AGBL4: variants seen among roughly 807,000 people sequenced by gnomAD.
AGBL4 encodes cytosolic carboxypeptidase 6.
AGBL4 carries 58 observed loss-of-function variants against 66.4 expected under a neutral mutation model. That is an observed-to-expected ratio of 0.87 (90% CI 0.71 to 1.09). The LOEUF is 1.09. AGBL4 is among the 50% of genes least tolerant of loss of function. The probability of loss-of-function intolerance (pLI) is 0.00; values close to 1 mark genes in which losing one functional copy is unlikely to be tolerated. For synonymous variants in AGBL4, 234 were observed against 222.9 expected (o/e 1.05, Z -0.44); for missense variants, 579 against 631.0 (o/e 0.92, Z 0.88).
intron 5 of AGBL4, among the ~76,000 whole-genome samples, chr1:48,869,285 G>A (rs918615718): frequency 6.6e-6 from 1 of 152,184 alleles, no homozygotes; most frequent in African/African-American, 2.4e-5. Context: ...ACCCACGCAT[G>A]TGGGCTAGAA....
intron 2 of AGBL4, chr1:49,845,102 T>G: frequency 2.1e-6 from 3 of 1,462,054 alleles, no homozygotes; most frequent in Non-Finnish European, 9.5e-7. Flanking sequence ...AGAAAGGCCT[T>G]TAGTCACAGC....
rs77965250 is a variant in AGBL4, at chr1:49,153,123, C to T, written c.377+92647G>A. ...TTGATACCACCTGGATTCTCCACTA[C>T]AAGGTTTAGGTTTAGAAAGATATCC... On this transcript the variant is annotated intron_variant, in intron 4 of 13. Coordinates refer to ENST00000371839, the MANE Select transcript of AGBL4 (RefSeq NM_032785.4). Among the ~76,000 whole-genome samples the T allele has an allele frequency of 4.3e-4, 66 of 152,238 alleles. 1 individual carries two copies. In the East Asian group the frequency reaches 0.011, roughly 26 times the overall value.
intron 3 of AGBL4, among the ~76,000 whole-genome samples, chr1:49,253,837 C>A (rs756264826): frequency 6.6e-6 from 1 of 152,126 alleles, no homozygotes; most frequent in Non-Finnish European, 1.5e-5. Flanking sequence ...TAGGCCTTAT[C>A]CCTAAGATGC....
chr1:49,890,675 T>C (rs565328352), intron 1 of AGBL4, among the ~76,000 whole-genome samples: 30 of 152,298 alleles, frequency 2.0e-4, no homozygotes, highest in Non-Finnish European at 3.8e-4. Flanking sequence ...CTCTAGGCAA[T>C]ATAACTGTAG....
intron 5 of AGBL4, among the ~76,000 whole-genome samples, chr1:48,971,943 G>A (rs1029673890): frequency 1.1e-4 from 17 of 152,184 alleles, no homozygotes; most frequent in African/African-American, 3.6e-4. Flanking sequence ...GGCAGGGATA[G>A]CTCTCTTCTC....
intron 3 of AGBL4, among the ~76,000 whole-genome samples, chr1:49,357,436 G>T (rs889677973): frequency 6.6e-6 from 1 of 152,182 alleles, no homozygotes; most frequent in Non-Finnish European, 1.5e-5. Flanking sequence ...GAGATCCACT[G>T]TAAGGATGGA....
intron 1 of AGBL4, among the ~76,000 whole-genome samples, chr1:49,982,175 C>T (rs746219250): frequency 1.1e-4 from 17 of 152,222 alleles, no homozygotes; most frequent in Non-Finnish European, 2.2e-4. Context: ...CCCAACACTA[C>T]GTGAAACTTA....
intron 3 of AGBL4, among the ~76,000 whole-genome samples, chr1:49,610,241 C>T (rs896637718): frequency 6.6e-6 from 1 of 152,010 alleles, no homozygotes; most frequent in Non-Finnish European, 1.5e-5. Flanking sequence ...ATTTAATAAC[C>T]CTAACAACTT....
rs142379474 is a variant in AGBL4, at chr1:48,715,587, A to G, written c.635-52346T>C. Among the ~76,000 whole-genome samples the G allele has an allele frequency of 5.9e-3, 906 of 152,284 alleles. 12 individuals carry two copies. The highest frequency in any genetic ancestry group is 0.021 in the African/African-American group (855 of 41,546). On this transcript the variant is annotated intron_variant, in intron 6 of 13. Transcript: ENST00000371839. ...CAGGTGAGTATTTGCTGAGTGAATA[A>G]ACATTTGAGATCATTTTATTGAAAT...
chr1:49,391,718 C>T (rs1176350808), intron 3 of AGBL4, among the ~76,000 whole-genome samples: 1 of 152,016 alleles, frequency 6.6e-6, no homozygotes, highest in Non-Finnish European at 1.5e-5. Flanking sequence ...CCGGCCACCA[C>T]ACCCGGCTAA....
chr1:48,549,989 A>AG (rs1265704909), intron 11 of AGBL4, among the ~76,000 whole-genome samples: 3 of 152,188 alleles, frequency 2.0e-5, no homozygotes, highest in Non-Finnish European at 4.4e-5. Flanking sequence ...AGACACAGAT[A>AG]GGGACGGGAA....
chr1:49,062,699 G>A (rs979742352), intron 4 of AGBL4, among the ~76,000 whole-genome samples: 1 of 152,112 alleles, frequency 6.6e-6, no homozygotes, highest in Admixed American at 6.5e-5. Context: ...TATACACAAA[G>A]GCCATTGGCA....
intron 1 of AGBL4, among the ~76,000 whole-genome samples, chr1:49,875,521 G>A (rs1466233896): frequency 2.0e-4 from 29 of 147,148 alleles, no homozygotes; most frequent in Admixed American, 1.8e-3. Flanking sequence ...ATTCTATGGT[G>A]TATATGTGCC....
intron 3 of AGBL4, among the ~76,000 whole-genome samples, chr1:49,522,885 C>T (rs1278458719): frequency 6.6e-6 from 1 of 152,070 alleles, no homozygotes; most frequent in East Asian, 1.9e-4. Flanking sequence ...ACCATTAGTG[C>T]CAGGCCAGTA....
rs1000674295 is a variant in AGBL4, at chr1:49,441,088, G to A, written c.283-195224C>T. Among the ~76,000 whole-genome samples, 11 of 151,982 alleles carry A rather than the reference G, an allele frequency of 7.2e-5. No homozygotes were observed. In the East Asian group the frequency reaches 9.7e-4, roughly 13 times the overall value. On this transcript the variant is annotated intron_variant, in intron 3 of 13. Coordinates refer to ENST00000371839, the MANE Select transcript of AGBL4 (RefSeq NM_032785.4). ...TGTTCATTCTCTTCAGGAGCCCCCC[G>A]CCCGCCACAACACCCCTGTTAGCTT... is the stretch of plus-strand genomic sequence containing the variant.
At chr1:49,031,639 T>G (rs945799333) in intron 5 of AGBL4, among the ~76,000 whole-genome samples, 3 of 151,988 alleles carry the variant, frequency 2.0e-5, no homozygotes, top group Admixed American at 2.0e-4. Flanking sequence ...AGATGGCCAA[T>G]AAGCACACAA....
At chr1:49,856,283 T>C (rs955096619) in intron 1 of AGBL4, among the ~76,000 whole-genome samples, 1 of 152,046 alleles carries the variant, frequency 6.6e-6, no homozygotes, top group Admixed American at 6.5e-5. Context: ...CAGGAACAAA[T>C]GGCTGTACTT....
intron 3 of AGBL4, among the ~76,000 whole-genome samples, chr1:49,261,109 C>T (rs1182756432): frequency 6.6e-5 from 10 of 152,030 alleles, no homozygotes; most frequent in South Asian, 6.2e-4. Flanking sequence ...AATTCAACAA[C>T]GCTTCATGCT....
At chr1:49,494,847 C>T (rs1251157526) in intron 3 of AGBL4, among the ~76,000 whole-genome samples, 3 of 151,976 alleles carry the variant, frequency 2.0e-5, no homozygotes, top group African/African-American at 7.2e-5. Flanking sequence ...GAGGAATCGC[C>T]ACACTGACTT....
Sources: gnomAD v4.1 joint callset for allele counts (sites outside exome capture counted in the v4.1 genomes callset) on GRCh38, gnomAD v4.1.1 for gene constraint, MANE v1.5 for transcripts, NCBI Gene and HGNC (gene_info 2026-07-23, HGNC 2026-07-21) for gene names.